Variants in PTGS1 observed in about 807,000 individuals in gnomAD.
The protein encoded by PTGS1 is prostaglandin G/H synthase 1.
A neutral mutation model predicts 63.0 loss-of-function variants in PTGS1; 40 were observed. The observed-to-expected ratio is 0.63, with a 90% CI of 0.49 to 0.83. PTGS1 has a LOEUF of 0.83. Among genes scored for constraint, PTGS1 ranks in the 40% least tolerant of loss-of-function variants. PTGS1 has a pLI of 0.00. For synonymous variants in PTGS1, 298 were observed against 301.9 expected, an observed-to-expected ratio of 0.99 and a Z score of 0.13; for missense variants, 709 against 786.5, an observed-to-expected ratio of 0.90 and a Z score of 1.18.
At position 122,392,704 on chromosome 9, in the gene PTGS1, T is replaced by G. The variant is rs191607179; in HGVS notation, c.*160T>G. On this transcript the variant is annotated 3_prime_UTR_variant, in exon 11 of 11. Coordinates refer to ENST00000362012, the MANE Select transcript of PTGS1 (RefSeq NM_000962.4). Reference sequence around the variant, plus strand: ...TAAGTCTCACCCATTATCTGGAATATTGTGATTCTGTTTATTCTTCCAGAA... The same window carrying G: ...TAAGTCTCACCCATTATCTGGAATAGTGTGATTCTGTTTATTCTTCCAGAA... The G allele has an allele frequency of 2.1e-5, 13 of 619,278 alleles. No individual in the cohort carries two copies. Among genetic ancestry groups the G allele is most frequent in the Admixed American group, 1.8e-4 (6 of 33,560 alleles). 38.4% of individuals were successfully genotyped at this position (619,278 alleles called of 1,614,324 possible).
chr9:122,374,147 C>G (rs1376360218), intron 2 of PTGS1, among the ~76,000 whole-genome samples: 4 of 152,148 alleles, frequency 2.6e-5, no homozygotes, highest in African/African-American at 4.8e-5. Context: ...GCAGCTTGGC[C>G]TTTGGGCTGC....
At chr9:122,379,803 G>T (rs911912348) in intron 5 of PTGS1, among the ~76,000 whole-genome samples, 11 of 151,638 alleles carry the variant, frequency 7.3e-5, no homozygotes, top group African/African-American at 2.4e-4. Context: ...TTCTTTAGGG[G>T]TACTTGATAT....
In PTGS1 at chr9:122,378,415, C is replaced by G; in HGVS notation, c.212-18C>G. On this transcript the variant is annotated intron_variant, in intron 3 of 10. Transcript: ENST00000362012. ...CTGGTAGGAGGGACCAACTGAGTGA[C>G]TGCCATTGCCCCTGCAGCTGGCCTG... The G allele has an allele frequency of 6.2e-7, 1 of 1,612,450 alleles. No homozygotes were observed.
intron 10 of PTGS1, 23 bp downstream of exon 10, chr9:122,390,368 C>A: frequency 6.2e-7 from 1 of 1,611,602 alleles, no homozygotes; most frequent in Non-Finnish European, 8.5e-7. Flanking sequence ...TTCCTGGATG[C>A]AGTCCCTGCC....
chr9:122,392,100 A>G, intron 10 of PTGS1, 89 bp from the exon 11 acceptor site: 1 of 1,144,552 alleles, frequency 8.7e-7, no homozygotes, highest in East Asian at 2.6e-5. Flanking sequence ...TTATCCCCAG[A>G]AAAAGGTGGA....
chr9:122,381,382 T>G lies in PTGS1; in HGVS notation c.508T>G (p.Leu170Val). The G allele has an allele frequency of 6.2e-7, 1 of 1,614,020 alleles. No homozygotes were observed. The highest frequency in any genetic ancestry group is 1.6e-4 in the Middle Eastern group (1 of 6,062). The change falls in exon 6 of 11, where the codon TTG (leucine) becomes GTG (valine). Residue 170 changes from leucine to valine, a missense_variant. Transcript: ENST00000362012. ...TACCCCCCAACCAGGGAAGAAGCAG[T>G]TGCCAGATGCCCAGCTCCTGGCCCG... The part of the protein sequence containing the change: ...TPMGTKGKKQ[L>V]PDAQLLARRF...
At chr9:122,379,281 A>G (rs1837372582) in intron 5 of PTGS1, among the ~76,000 whole-genome samples, 2 of 152,216 alleles carry the variant, frequency 1.3e-5, no homozygotes, top group Admixed American at 1.3e-4. Context: ...AGATGTAAAT[A>G]GTTTTACATG....
rs560719076 is a variant in PTGS1 at position 122,392,495 on chromosome 9, C to T, written c.1751C>T (p.Ala584Val). ...TACGTTTCCTTCCGTGTGCCGGATGCCAGTCAGGATGATGGGCCTGCTGTG... is the reference window on the plus strand; with the variant it reads ...TACGTTTCCTTCCGTGTGCCGGATGTCAGTCAGGATGATGGGCCTGCTGTG... ...CPYVSFRVPD[A>V]SQDDGPAVER... The change falls in exon 11 of 11, where the codon GCC becomes GTC. Residue 584 changes from alanine to valine, a missense_variant. Physicochemically the swap from Ala to Val is moderately conservative, Grantham distance 64 (BLOSUM62 0). Transcript: ENST00000362012. 3 of 1,614,124 alleles carry T rather than the reference C, an allele frequency of 1.9e-6. No homozygotes were observed. In the South Asian group the frequency reaches 3.3e-5, roughly 18 times the overall value.
chr9:122,373,062 A>C (rs1836904322), intron 2 of PTGS1, among the ~76,000 whole-genome samples: 1 of 152,156 alleles, frequency 6.6e-6, no homozygotes, highest in African/African-American at 2.4e-5. Flanking sequence ...CGAAGAATTG[A>C]GGGAGGCTTC....
chr9:122,376,537 T>C (rs1289352791), intron 2 of PTGS1, among the ~76,000 whole-genome samples: 2 of 152,130 alleles, frequency 1.3e-5, no homozygotes, highest in Non-Finnish European at 2.9e-5. Flanking sequence ...TGCTCTCTGA[T>C]CCTAGCACCC....
intron 5 of PTGS1, among the ~76,000 whole-genome samples, chr9:122,379,140 G>A (rs1030801106): frequency 6.6e-6 from 1 of 152,074 alleles, no homozygotes; most frequent in African/African-American, 2.4e-5. Flanking sequence ...ATAGTTCCAG[G>A]GTGCCTCTTT....
At chr9:122,389,065 A>G (rs1838044528) in intron 9 of PTGS1, among the ~76,000 whole-genome samples, 1 of 151,162 alleles carries the variant, frequency 6.6e-6, no homozygotes, top group African/African-American at 2.4e-5. Context: ...TTTTTGCCCA[A>G]TTATAGTTGT....
chr9:122,392,053 A>G (rs1019092724), intron 10 of PTGS1, 136 bp from the exon 11 acceptor site: 4 of 706,702 alleles, frequency 5.7e-6, no homozygotes, highest in South Asian at 2.4e-5. Context: ...TCTAGGGCAC[A>G]TGCTCAGTTG....
intron 2 of PTGS1, among the ~76,000 whole-genome samples, chr9:122,376,785 T>C (rs1160544472): frequency 6.6e-6 from 1 of 152,196 alleles, no homozygotes; most frequent in Non-Finnish European, 1.5e-5. Context: ...GGCCAAGTTA[T>C]CACCTGTCCC....
rs1158841166 is a variant in PTGS1 at position 122,371,292 on chromosome 9, C to T, written c.94+20C>T. 6.2e-7 allele frequency: 1 copy of T among 1,601,860 alleles called. No individual in the cohort carries two copies. The highest frequency in any genetic ancestry group is 8.5e-7 in the Non-Finnish European group (1 of 1,179,846). On this transcript the variant is annotated intron_variant, in intron 2 of 10. Transcript: ENST00000362012. ...CGCCAGGTAGGCGGCCCCATCCCTC[C>T]CCAAGGGAATCCCCGGTCTTGCGCC...
At position 122,392,790 on chromosome 9, in the gene PTGS1, A is replaced by G. The variant is rs1179996868; in HGVS notation, c.*246A>G. ...AGTGGTTCTCATTTGGTCTGCCAGA[A>G]TACTGGGTTCTTAGTTGACAACCTA... On this transcript the variant is annotated 3_prime_UTR_variant, in exon 11 of 11. Coordinates refer to ENST00000362012, the MANE Select transcript of PTGS1 (RefSeq NM_000962.4). The G allele has an allele frequency of 2.4e-6, 1 of 425,164 alleles. No homozygotes were observed. The highest frequency in any genetic ancestry group is 4.2e-6 in the Non-Finnish European group (1 of 238,696). 26.3% of individuals were successfully genotyped at this position (425,164 alleles called of 1,614,324 possible).
rs1838465254 is a variant in PTGS1, at chr9:122,394,481, T to A, written c.*1937T>A. ...AATCCTTCCCTGCTCTTGCAGTTGC[T>A]CTGACGTAGAAAGATCCTTCGGGTG... On this transcript the variant is annotated 3_prime_UTR_variant, in exon 11 of 11. Coordinates refer to ENST00000362012, the MANE Select transcript of PTGS1 (RefSeq NM_000962.4). 1 of 152,346 alleles carries A rather than the reference T, an allele frequency of 6.6e-6. No homozygotes were observed. The highest frequency in any genetic ancestry group is 2.1e-4 in the South Asian group (1 of 4,822). 9.4% of individuals were successfully genotyped at this position (152,346 alleles called of 1,614,324 possible). A position where few individuals can be genotyped will look rare whatever the true frequency, so the allele number is the denominator to read the frequency against.
Position 122,371,056 on chromosome 9 carries a change from T to TCC in PTGS1, c.-28_-27insCC. 1 of 1,586,246 alleles carries TCC rather than the reference T, an allele frequency of 6.3e-7. No individual in the cohort carries two copies. Among genetic ancestry groups the TCC allele is most frequent in the Non-Finnish European group, 8.5e-7 (1 of 1,173,576 alleles). ...GAGGCGCACGCACAGGAGCCTGCAC[T>TCC]CTGCGTCCCGCACCCCAGCAGCCGC... On this transcript the variant is annotated 5_prime_UTR_variant, in exon 1 of 11. Transcript: ENST00000362012.
chr9:122,377,002 G>A (rs1432856340), intron 2 of PTGS1, among the ~76,000 whole-genome samples: 1 of 152,176 alleles, frequency 6.6e-6, no homozygotes, highest in East Asian at 1.9e-4. Context: ...AGAGCTCCAT[G>A]CACCCTCCCA....
Sources: gnomAD v4.1 joint callset for allele counts (sites outside exome capture counted in the v4.1 genomes callset) on GRCh38, gnomAD v4.1.1 for gene constraint, MANE v1.5 for transcripts, NCBI Gene and HGNC (gene_info 2026-07-23, HGNC 2026-07-21) for gene names.